The following ZC3H12B variants were observed in gnomAD, a reference collection of about 807,000 sequenced individuals.
The protein encoded by ZC3H12B is probable ribonuclease ZC3H12B.
In ZC3H12B, 7 loss-of-function variants were observed where a neutral mutation model predicts 43.9. That is an observed-to-expected ratio of 0.16 (90% CI 0.09 to 0.30). ZC3H12B has a LOEUF of 0.30. Ranked by LOEUF, ZC3H12B falls within the 10% of genes least tolerant of loss-of-function variation. The pLI is 1.00. For missense variants in ZC3H12B, 475 were observed against 670.2 expected, an observed-to-expected ratio of 0.71 and a Z score of 3.22; for synonymous variants, 222 against 241.7, an observed-to-expected ratio of 0.92 and a Z score of 0.76.
the ZC3H12B span, among the ~76,000 whole-genome samples, chrX:65,230,727 A>G: frequency 9.0e-6 from 1 of 111,191 alleles, no homozygotes; most frequent in African/African-American, 3.3e-5. Context: ...TTCCCCAGAC[A>G]AACAAAACCT....
At chrX:65,138,865 C>G in the ZC3H12B span, among the ~76,000 whole-genome samples, 7 of 112,058 alleles carry the variant, frequency 6.2e-5, no homozygotes, top group African/African-American at 1.9e-4. Context: ...CTTCATGTAC[C>G]TGTTGGCCAT....
chrX:65,358,482 T>C, the ZC3H12B span, among the ~76,000 whole-genome samples: 1 of 111,040 alleles, frequency 9.0e-6, no homozygotes, highest in African/African-American at 3.3e-5. Context: ...TAAAAAACAG[T>C]CTCTCGGACC....
the ZC3H12B span, among the ~76,000 whole-genome samples, chrX:65,146,556 G>T: frequency 9.0e-6 from 1 of 111,614 alleles, no homozygotes; most frequent in Non-Finnish European, 1.9e-5. Context: ...TATTACCTGA[G>T]TTGGTTTTCT....
the ZC3H12B span, among the ~76,000 whole-genome samples, chrX:65,283,795 C>A: frequency 9.0e-6 from 1 of 111,658 alleles, no homozygotes. Flanking sequence ...GGGACTGGAG[C>A]ATTATGGAAA....
chrX:65,263,852 C>A, the ZC3H12B span, among the ~76,000 whole-genome samples: 1 of 111,034 alleles, frequency 9.0e-6, no homozygotes, highest in Non-Finnish European at 1.9e-5. Context: ...CAAAAGGACA[C>A]CTGCACACAT....
intron 3 of ZC3H12B, among the ~76,000 whole-genome samples, chrX:65,474,098 A>G (rs897936586): frequency 8.9e-5 from 10 of 111,798 alleles, no homozygotes; most frequent in Non-Finnish European, 1.7e-4. Context: ...TGTATTGTCA[A>G]TGTCTGTCTT....
chrX:65,055,131 GA>G, the ZC3H12B span, among the ~76,000 whole-genome samples: 2 of 111,224 alleles, frequency 1.8e-5, no homozygotes, highest in African/African-American at 6.5e-5. Context: ...TGTTGAATAG[GA>G]GTGGTGAGAG....
intron 2 of ZC3H12B, among the ~76,000 whole-genome samples, chrX:65,377,657 C>CA (rs200825985): frequency 8.4e-4 from 92 of 109,267 alleles, no homozygotes; most frequent in African/African-American, 2.8e-3. Flanking sequence ...AATGGTTAAC[C>CA]AAAAAAAAAT....
chrX:65,484,051 A>G (rs750616460), upstream of ZC3H12B, among the ~76,000 whole-genome samples: 1 of 112,277 alleles, frequency 8.9e-6, no homozygotes, highest in East Asian at 2.8e-4. Context: ...TAGTGCTGCA[A>G]TGAACATACA....
At chrX:65,071,006 TA>T in the ZC3H12B span, among the ~76,000 whole-genome samples, 1 of 108,999 alleles carries the variant, frequency 9.2e-6, no homozygotes, top group Non-Finnish European at 1.9e-5. Context: ...ATTTTTTTGT[TA>T]TTTTTTTTAA....
the ZC3H12B span, among the ~76,000 whole-genome samples, chrX:65,226,750 G>A: frequency 1.7e-3 from 188 of 111,299 alleles, 1 homozygote; most frequent in African/African-American, 6.0e-3. Context: ...TGATAAAACA[G>A]ACTTTAAAAC....
intron 2 of ZC3H12B, among the ~76,000 whole-genome samples, chrX:65,380,173 A>C (rs1384651171): frequency 1.8e-5 from 2 of 111,850 alleles, no homozygotes; most frequent in Non-Finnish European, 3.8e-5. Context: ...ACCAAAGTTG[A>C]AGTGAAGGAA....
chrX:65,494,783 AAAATAAATAAATAAATAAAT>A (rs59246172), intron 1 of ZC3H12B, among the ~76,000 whole-genome samples: 10 of 101,071 alleles, frequency 9.9e-5, no homozygotes, highest in Non-Finnish European at 2.0e-4. Context: ...TCTGTCCCAA[AAAATAAATAAATAAATAAAT>A]AAATAAATAA....
At chrX:65,116,479 T>C in the ZC3H12B span, among the ~76,000 whole-genome samples, 1 of 111,498 alleles carries the variant, frequency 9.0e-6, no homozygotes, top group Non-Finnish European at 1.9e-5. Flanking sequence ...AGTCAGATAA[T>C]GTGTTGCTTC....
At chrX:65,268,187 A>C in the ZC3H12B span, among the ~76,000 whole-genome samples, 1 of 112,095 alleles carries the variant, frequency 8.9e-6, no homozygotes, top group Non-Finnish European at 1.9e-5. Flanking sequence ...AATTTCTAGA[A>C]AAATATAACC....
chrX:65,461,722 G>T (rs1366681167), intron 3 of ZC3H12B, among the ~76,000 whole-genome samples: 2 of 111,321 alleles, frequency 1.8e-5, no homozygotes, highest in African/African-American at 6.5e-5. Context: ...GTAGGGGGGA[G>T]GGATAGCATT....
chrX:65,397,474 T>A (rs1016772522), intron 2 of ZC3H12B, among the ~76,000 whole-genome samples: 1 of 111,749 alleles, frequency 8.9e-6, no homozygotes, highest in Admixed American at 9.6e-5. Flanking sequence ...TGGCTGGATA[T>A]GAAATTTTGG....
chrX:65,301,488 G>A, the ZC3H12B span, among the ~76,000 whole-genome samples: 1 of 108,946 alleles, frequency 9.2e-6, no homozygotes, highest in South Asian at 3.9e-4. Context: ...ACACATACAC[G>A]TATACATACA....
the ZC3H12B span, among the ~76,000 whole-genome samples, chrX:65,104,448 A>G: frequency 3.6e-5 from 4 of 112,162 alleles, no homozygotes; most frequent in Admixed American, 3.8e-4. Context: ...CTGCTCAGCA[A>G]AAGAAACTAT....
Sources: allele counts gnomAD v4.1 joint callset (sites outside exome capture counted in the v4.1 genomes callset), GRCh38; gene constraint gnomAD v4.1.1; transcripts MANE v1.5; gene names NCBI Gene and HGNC (gene_info 2026-07-23, HGNC 2026-07-21).